The following PRDM1 variants were observed in gnomAD, a reference collection of about 807,000 sequenced individuals.
The protein encoded by PRDM1 is PR/SET domain 1.
Under a neutral mutation model 62.8 loss-of-function variants are expected in PRDM1, and 13 were observed. That is an observed-to-expected ratio of 0.21 (90% CI 0.13 to 0.33). The LOEUF is 0.33. Among genes scored for constraint, PRDM1 ranks in the 10% least tolerant of loss-of-function variants. PRDM1 has a pLI of 1.00. For missense variants in PRDM1, 895 were observed against 1,058.8 expected, an observed-to-expected ratio of 0.85 and a Z score of 2.15; for synonymous variants, 396 against 417.6, an observed-to-expected ratio of 0.95 and a Z score of 0.63.
intron 1 of PRDM1, among the ~76,000 whole-genome samples, chr6:106,077,211 T>A (rs1239814968): frequency 6.6e-6 from 1 of 152,176 alleles, no homozygotes; most frequent in African/African-American, 2.4e-5. Context: ...AGTGCTCCCT[T>A]CACAGATGGG....
At chr6:106,093,132 C>T (rs1329440152) in intron 2 of PRDM1, among the ~76,000 whole-genome samples, 4 of 152,156 alleles carry the variant, frequency 2.6e-5, no homozygotes, top group African/African-American at 9.7e-5. Flanking sequence ...TTAGAGATGG[C>T]AAGAGCTACT....
chr6:106,095,879 T>C, intron 3 of PRDM1, 145 bp downstream of exon 3: 1 of 871,534 alleles, frequency 1.1e-6, no homozygotes, highest in Non-Finnish European at 1.7e-6. Flanking sequence ...ACACAGGGAA[T>C]TCTGAACAAA....
chr6:106,032,167 T>C (rs562285202), intron 1 of PRDM1, among the ~76,000 whole-genome samples: 1 of 146,156 alleles, frequency 6.8e-6, no homozygotes, highest in African/African-American at 2.4e-5. Flanking sequence ...TATTAAAGAA[T>C]ACTTTATTTA....
intron 1 of PRDM1, among the ~76,000 whole-genome samples, chr6:106,042,862 G>T (rs1489346617): frequency 1.3e-5 from 2 of 152,038 alleles, no homozygotes; most frequent in South Asian, 4.2e-4. Flanking sequence ...AACACATTTT[G>T]GGGGGAGGAT....
intron 1 of PRDM1, among the ~76,000 whole-genome samples, chr6:105,999,432 A>AT (rs1772401203): frequency 6.6e-6 from 1 of 151,912 alleles, no homozygotes; most frequent in African/African-American, 2.4e-5. Flanking sequence ...GACCAATTAG[A>AT]ACAAAATTTG....
At position 106,106,430 on chromosome 6, in the gene PRDM1, C is replaced by T. The variant is rs912260237; in HGVS notation, c.1833C>T (p.Gly611=). ...RPFKCQTCNK[G]FTQLAHLQKH... is the part of the protein sequence containing the mutation. ...TCAAATGTCAGACTTGCAACAAGGG[C>T]TTTACTCAGCTCGCCCACCTGCAGA... The change falls in exon 6 of 7, where the codon GGC becomes GGT. Residue 611 remains glycine (G), a synonymous_variant. Coordinates refer to ENST00000369096, the MANE Select transcript of PRDM1 (RefSeq NM_001198.4). This position sits in a 1 kb window ranked among gnomAD's most constrained non-coding sequence, Gnocchi z 4.4. 10 of 1,614,066 alleles carry T rather than the reference C, an allele frequency of 6.2e-6. No homozygotes were observed. The Admixed American group carries it at 1.3e-4, about 22-fold the overall frequency.
intron 1 of PRDM1, among the ~76,000 whole-genome samples, chr6:106,006,625 T>G (rs1361479642): frequency 6.6e-6 from 1 of 151,968 alleles, no homozygotes; most frequent in African/African-American, 2.4e-5. Flanking sequence ...AAATAAGACC[T>G]TTGCCAGATA....
chr6:106,001,336 T>G (rs1355625688), intron 1 of PRDM1, among the ~76,000 whole-genome samples: 8 of 152,248 alleles, frequency 5.3e-5, no homozygotes, highest in Admixed American at 5.2e-4. Flanking sequence ...AGCCTTGCGT[T>G]GTTTATGGTG....
chr6:106,087,670 G>A (rs1053766048), intron 1 of PRDM1: 2 of 232,866 alleles, frequency 8.6e-6, no homozygotes, highest in South Asian at 3.6e-4. Flanking sequence ...GTTGGGAGCT[G>A]GTGGGAAAGT....
chr6:106,008,831 CT>C (rs1377756773), intron 1 of PRDM1, among the ~76,000 whole-genome samples: 1 of 152,190 alleles, frequency 6.6e-6, no homozygotes, highest in Non-Finnish European at 1.5e-5. Context: ...CTTTGCCTTT[CT>C]TCTCTTGTTG....
intron 1 of PRDM1, among the ~76,000 whole-genome samples, chr6:106,077,885 T>C (rs1397190693): frequency 1.3e-5 from 2 of 152,226 alleles, no homozygotes; most frequent in African/African-American, 2.4e-5. Flanking sequence ...TCAAGACAAA[T>C]GGGTGTCCCT....
intron 1 of PRDM1, among the ~76,000 whole-genome samples, chr6:106,011,463 T>C (rs1221602060): frequency 6.6e-6 from 1 of 152,186 alleles, no homozygotes; most frequent in Admixed American, 6.5e-5. Context: ...TCCAGGTTGC[T>C]GGAGGCAGCC....
chr6:106,106,270 T>C lies in PRDM1; in HGVS notation c.1774-101T>C. The C allele has an allele frequency of 6.7e-7, 1 of 1,485,000 alleles. No homozygotes were observed. Among genetic ancestry groups the C allele is most frequent in the South Asian group, 1.3e-5 (1 of 78,126 alleles). 92.0% of individuals were successfully genotyped at this position (1,485,000 alleles called of 1,614,324 possible). On this transcript the variant is annotated intron_variant, in intron 5 of 6. Coordinates refer to ENST00000369096, the MANE Select transcript of PRDM1 (RefSeq NM_001198.4). The surrounding 1 kb of genome is among the most constrained non-coding windows in gnomAD (Gnocchi z 4.4). ...CTTCTTTTTAAGACTGTCTTGATGCTTTTCTTAAGATATTTGCATCAACAC... is the reference window on the plus strand; with the variant it reads ...CTTCTTTTTAAGACTGTCTTGATGCCTTTCTTAAGATATTTGCATCAACAC...
At chr6:106,058,727 C>A (rs2114590689) in intron 1 of PRDM1, among the ~76,000 whole-genome samples, 1 of 152,288 alleles carries the variant, frequency 6.6e-6, no homozygotes, top group East Asian at 1.9e-4. Context: ...CATGCGCCAC[C>A]ATGCCAGGCT....
chr6:106,107,056 G>A lies in PRDM1; in HGVS notation c.2048G>A (p.Arg683Gln), dbSNP rs759308412. The change falls in exon 7 of 7, where the codon CGG (arginine) becomes CAG (glutamine). Residue 683 changes from arginine (R) to glutamine (Q), a missense_variant. Arg to Gln is a conservative substitution (Grantham distance 43). This residue lies in a region of PRDM1 where 164 missense variants were observed against 179.9 expected (regional missense o/e 0.91). Transcript: ENST00000369096. ...AAACTGCACAAGCGTCTGCACACCCGGGAGCGGCCCCACAAGTGCTCCCAG... is the reference window on the plus strand; with the variant it reads ...AAACTGCACAAGCGTCTGCACACCCAGGAGCGGCCCCACAAGTGCTCCCAG... ...HLKLHKRLHT[R>Q]ERPHKCSQCH... 2.4e-5 allele frequency: 38 copies of A among 1,614,028 alleles called. No individual in the cohort carries two copies. The highest frequency in any genetic ancestry group is 1.2e-4 in the South Asian group (11 of 91,088).
intron 4 of PRDM1, among the ~76,000 whole-genome samples, chr6:106,104,244 TC>T (rs1774367073): frequency 6.6e-6 from 1 of 151,254 alleles, no homozygotes; most frequent in African/African-American, 2.4e-5. Flanking sequence ...AGAGTTTTGC[TC>T]TTGTTGCCCA....
chr6:106,099,798 G>C (rs1474328861), intron 4 of PRDM1: 2 of 510,418 alleles, frequency 3.9e-6, no homozygotes, highest in Non-Finnish European at 6.9e-6. Flanking sequence ...GGATGTTACA[G>C]GAAGAAATAT....
chr6:106,051,224 A>G (rs1773168318), intron 1 of PRDM1, among the ~76,000 whole-genome samples: 1 of 152,268 alleles, frequency 6.6e-6, no homozygotes, highest in South Asian at 2.1e-4. Flanking sequence ...TCATGGTAAC[A>G]AGAATATCTG....
At chr6:106,061,455 G>A (rs758299040) in intron 1 of PRDM1, among the ~76,000 whole-genome samples, 3 of 152,200 alleles carry the variant, frequency 2.0e-5, no homozygotes, top group African/African-American at 2.4e-5. Flanking sequence ...AGAGTTACAT[G>A]CCTGCCAGGA....
Sources: allele counts gnomAD v4.1 joint callset (sites outside exome capture counted in the v4.1 genomes callset), GRCh38; gene constraint gnomAD v4.1.1; regional missense constraint gnomAD v4.1.1; non-coding constraint Gnocchi (gnomAD v3.1); transcripts MANE v1.5; gene names NCBI Gene and HGNC (gene_info 2026-07-23, HGNC 2026-07-21).